Variants in PRKAR1B observed in about 807,000 individuals in gnomAD.
PRKAR1B encodes the protein cAMP-dependent protein kinase type I-beta regulatory subunit.
PRKAR1B carries 22 observed loss-of-function variants against 46.5 expected under a neutral mutation model. The ratio of observed to expected loss-of-function variants is 0.47; its 90% confidence interval spans 0.34 to 0.68. The LOEUF (loss-of-function observed/expected upper bound fraction) is 0.68, where lower values mean the gene tolerates loss of function less well. Among genes scored for constraint, PRKAR1B ranks in the 30% least tolerant of loss-of-function variants. The pLI is 0.01. For missense variants in PRKAR1B, 445 were observed against 535.6 expected (o/e 0.83, Z 1.67); for synonymous variants, 259 against 217.7 (o/e 1.19, Z -1.67).
chr7:691,406 T>A, intron 2 of PRKAR1B: 1 of 992,096 alleles, frequency 1.0e-6, no homozygotes, highest in Non-Finnish European at 1.4e-6. Flanking sequence ...CCCTGCCTGG[T>A]CAGGAGGGGT....
chr7:596,318 G>A lies in PRKAR1B; in HGVS notation c.550-14C>T, dbSNP rs1781263296. The A allele has an allele frequency of 6.3e-7, 1 of 1,598,694 alleles. No individual in the cohort carries two copies. The highest frequency in any genetic ancestry group is 1.7e-5 in the Admixed American group (1 of 59,584). ...GTTCACGTACACCTTTGGGGAGCAA[G>A]AGAGAGAAGTGTCACGGGGGCCAGG... On this transcript the variant is annotated splice_polypyrimidine_tract_variant and intron_variant, in intron 6 of 10. Transcript: ENST00000537384.
At chr7:570,756 A>C (rs1426419593) in intron 9 of PRKAR1B, among the ~76,000 whole-genome samples, 1 of 151,984 alleles carries the variant, frequency 6.6e-6, no homozygotes, top group African/African-American at 2.4e-5. Context: ...AGAGCTCTGC[A>C]ACCGGAGCCC....
chr7:659,835 A>G (rs1785412482), intron 4 of PRKAR1B, among the ~76,000 whole-genome samples: 2 of 152,172 alleles, frequency 1.3e-5, no homozygotes, highest in South Asian at 2.1e-4. Flanking sequence ...CCTCTGGAGT[A>G]GCTGGGACCA....
chr7:627,412 C>A (rs76064512), intron 4 of PRKAR1B, among the ~76,000 whole-genome samples: 1 of 152,208 alleles, frequency 6.6e-6, no homozygotes, highest in Non-Finnish European at 1.5e-5. Flanking sequence ...ACTTTTACAA[C>A]ACCCATTTTA....
chr7:564,295 C>A (rs1401146624), intron 9 of PRKAR1B, among the ~76,000 whole-genome samples: 1 of 152,212 alleles, frequency 6.6e-6, no homozygotes, highest in African/African-American at 2.4e-5. Flanking sequence ...AGCGTCAGCC[C>A]ATCCAGCCTC....
At chr7:678,188 G>T (rs147936957) in intron 3 of PRKAR1B, among the ~76,000 whole-genome samples, 1,598 of 152,334 alleles carry the variant, frequency 0.01, 24 homozygotes, top group Middle Eastern at 0.031. Flanking sequence ...AGAATCACCT[G>T]AACCCGGGAG....
rs191096067 is a variant in PRKAR1B at position 683,602 on chromosome 7, C to T, written c.178-2876G>A. Among the ~76,000 whole-genome samples the T allele has an allele frequency of 2.4e-4, 37 of 152,348 alleles. No individual in the cohort carries two copies. The East Asian group carries it at 4.4e-3, about 18-fold the overall frequency. ...GTGGGAGCTCCTGCTGAATGCCAGC[C>T]GCCATCCATCCTGTGGGTGGTGGAC... is the stretch of plus-strand genomic sequence containing the variant. On this transcript the variant is annotated intron_variant, in intron 2 of 10. Transcript: ENST00000537384.
At chr7:680,016 G>C (rs887534247) in intron 3 of PRKAR1B, among the ~76,000 whole-genome samples, 1 of 152,048 alleles carries the variant, frequency 6.6e-6, no homozygotes, top group Non-Finnish European at 1.5e-5. Context: ...AAATTAGCTG[G>C]GTGTGGTGGT....
At chr7:570,917 C>T (rs1214065354) in intron 9 of PRKAR1B, among the ~76,000 whole-genome samples, 1 of 152,138 alleles carries the variant, frequency 6.6e-6, no homozygotes, top group Non-Finnish European at 1.5e-5. Flanking sequence ...GGTCCTGCTT[C>T]ACGTCTCTTC....
intron 7 of PRKAR1B, among the ~76,000 whole-genome samples, chr7:588,675 A>G (rs111219421): frequency 2.0e-4 from 21 of 103,930 alleles, no homozygotes; most frequent in African/African-American, 6.3e-4. Flanking sequence ...GACAGTGGTG[A>G]TGACGATGAT....
chr7:701,796 C>T (rs1367852065), intron 2 of PRKAR1B, among the ~76,000 whole-genome samples: 5 of 152,142 alleles, frequency 3.3e-5, no homozygotes, highest in Non-Finnish European at 1.5e-5. Flanking sequence ...GAAGGCAAAC[C>T]AGAGAGATTC....
At chr7:601,219 A>C (rs949291330) in intron 6 of PRKAR1B, among the ~76,000 whole-genome samples, 1 of 152,166 alleles carries the variant, frequency 6.6e-6, no homozygotes, top group African/African-American at 2.4e-5. Context: ...ACCAGGGAAA[A>C]CCGCTAGCCT....
chr7:685,295 C>CGTATATATATATACGTATATATACGT (rs1300520762), intron 2 of PRKAR1B, among the ~76,000 whole-genome samples: 1 of 12,226 alleles, frequency 8.2e-5, no homozygotes, highest in Non-Finnish European at 1.5e-4. Context: ...TATATGTATA[C>CGTATATATATATACGTATATATACGT]ATATATATAT....
upstream of PRKAR1B, among the ~76,000 whole-genome samples, chr7:728,803 C>T (rs953070801): frequency 6.6e-6 from 1 of 152,176 alleles, no homozygotes; most frequent in African/African-American, 2.4e-5. Flanking sequence ...ATCCCCTCAT[C>T]TCCAGCACCT....
intron 9 of PRKAR1B, among the ~76,000 whole-genome samples, chr7:577,100 ACGGCCTCGTCCAACGCCATCAG>A (rs1779895414): frequency 1.4e-5 from 2 of 145,124 alleles, no homozygotes; most frequent in East Asian, 2.0e-4. Context: ...AACTCCATCA[ACGGCCTCGTCCAACGCCATCAG>A]CGGCCCCGTC....
intron 1 of PRKAR1B, among the ~76,000 whole-genome samples, chr7:712,071 G>A (rs1266188778): frequency 6.6e-6 from 1 of 151,584 alleles, no homozygotes; most frequent in African/African-American, 2.4e-5. Context: ...TGGGGGGGTG[G>A]GGTGCGGGAG....
intron 6 of PRKAR1B, among the ~76,000 whole-genome samples, chr7:599,018 T>C (rs1413375224): frequency 6.6e-6 from 1 of 152,258 alleles, no homozygotes; most frequent in African/African-American, 2.4e-5. Context: ...CCGTGGCTGC[T>C]GCCGCTGCAG....
intron 2 of PRKAR1B, among the ~76,000 whole-genome samples, chr7:687,274 A>G (rs1371389731): frequency 6.6e-6 from 1 of 152,284 alleles, no homozygotes; most frequent in Non-Finnish European, 1.5e-5. Context: ...CAGGGGATGC[A>G]GATCATGGAG....
intron 9 of PRKAR1B, among the ~76,000 whole-genome samples, chr7:553,055 C>T (rs1401983529): frequency 6.6e-6 from 1 of 152,246 alleles, no homozygotes; most frequent in Non-Finnish European, 1.5e-5. Context: ...GTCCCCTGGA[C>T]TCTGGTCCCT....
Sources: gnomAD v4.1 joint callset for allele counts (sites outside exome capture counted in the v4.1 genomes callset) on GRCh38, gnomAD v4.1.1 for gene constraint, MANE v1.5 for transcripts, NCBI Gene and HGNC (gene_info 2026-07-23, HGNC 2026-07-21) for gene names.